Variants in MED13L observed in about 807,000 individuals in gnomAD.
MED13L encodes mediator of RNA polymerase II transcription subunit 13-like.
In MED13L, 7 loss-of-function variants were observed where a neutral mutation model predicts 220.9. The observed-to-expected ratio is 0.03, with a 90% CI of 0.02 to 0.06. The LOEUF is 0.06. Among genes scored for constraint, MED13L ranks in the 10% least tolerant of loss-of-function variants. MED13L has a pLI of 1.00. For missense variants in MED13L, 1,965 were observed against 2,760.5 expected, an observed-to-expected ratio of 0.71 and a Z score of 6.46; for synonymous variants, 1,011 against 1,015.2, an observed-to-expected ratio of 1.00 and a Z score of 0.08.
chr12:116,193,809 A>G (rs1881439933), intron 2 of MED13L, among the ~76,000 whole-genome samples: 1 of 152,182 alleles, frequency 6.6e-6, no homozygotes, highest in South Asian at 2.1e-4. Context: ...CAAGAATCAC[A>G]TCCAGTCCAA....
At chr12:116,084,660 C>A (rs970166233) in intron 4 of MED13L, among the ~76,000 whole-genome samples, 2 of 151,904 alleles carry the variant, frequency 1.3e-5, no homozygotes, top group Non-Finnish European at 1.5e-5. Flanking sequence ...TGGCATGCAC[C>A]TGTAATCCCA....
At chr12:116,208,726 G>T (rs1424106508) in intron 2 of MED13L, among the ~76,000 whole-genome samples, 1 of 152,222 alleles carries the variant, frequency 6.6e-6, no homozygotes, top group Non-Finnish European at 1.5e-5. Context: ...AACACTTTGG[G>T]GGACTGAGGC....
intron 28 of MED13L, among the ~76,000 whole-genome samples, chr12:115,967,334 A>C (rs1164324518): frequency 6.6e-6 from 1 of 152,150 alleles, no homozygotes; most frequent in Non-Finnish European, 1.5e-5. Flanking sequence ...ACTGGATATC[A>C]AAGAATGTTT....
At chr12:116,039,578 A>T (rs943899171) in intron 4 of MED13L, among the ~76,000 whole-genome samples, 2 of 152,124 alleles carry the variant, frequency 1.3e-5, no homozygotes, top group Admixed American at 6.6e-5. Context: ...ATACACTGAT[A>T]AGCCCCTAGA....
At chr12:116,247,502 T>C (rs996645941) in intron 1 of MED13L, among the ~76,000 whole-genome samples, 1 of 152,222 alleles carries the variant, frequency 6.6e-6, no homozygotes. Context: ...TCTAGCTGCA[T>C]GCTCCATCCC....
At chr12:116,236,559 T>G (rs1870099919) in intron 2 of MED13L, among the ~76,000 whole-genome samples, 1 of 151,426 alleles carries the variant, frequency 6.6e-6, no homozygotes, top group Non-Finnish European at 1.5e-5. Flanking sequence ...AAACACGATC[T>G]GAAATTTTTC....
rs1879432696 is a variant in MED13L at position 116,011,905 on chromosome 12, C to CA, written c.1280+891dup. Among the ~76,000 whole-genome samples the CA allele has an allele frequency of 5.3e-5, 8 of 152,328 alleles. 1 individual carries two copies. In the South Asian group the frequency reaches 1.7e-3, roughly 32 times the overall value. Reference sequence around the variant, plus strand: ...ACACACGCAGCAGTCTGCATATATGCAGGGGGCGTATGGACTACCTCCTCA... The same window carrying CA: ...ACACACGCAGCAGTCTGCATATATGCAAGGGGGCGTATGGACTACCTCCTCA... On this transcript the variant is annotated intron_variant, in intron 9 of 30. Transcript: ENST00000281928.
At chr12:116,200,202 C>T (rs917227261) in intron 2 of MED13L, among the ~76,000 whole-genome samples, 25 of 151,954 alleles carry the variant, frequency 1.6e-4, no homozygotes, top group African/African-American at 6.0e-4. Flanking sequence ...TAAAGTACTA[C>T]CAATCCCCTG....
intron 2 of MED13L, among the ~76,000 whole-genome samples, chr12:116,167,345 C>T (rs924228471): frequency 6.6e-6 from 1 of 152,036 alleles, no homozygotes; most frequent in Non-Finnish European, 1.5e-5. Flanking sequence ...ATACAGGGTA[C>T]AAAAGATTTG....
At chr12:116,116,460 C>A (rs1463308843) in intron 2 of MED13L, among the ~76,000 whole-genome samples, 1 of 152,126 alleles carries the variant, frequency 6.6e-6, no homozygotes, top group Non-Finnish European at 1.5e-5. Flanking sequence ...CCCCTCTCTA[C>A]ATAACCTGCC....
At chr12:116,101,537 GA>G (rs1873065646) in intron 3 of MED13L, among the ~76,000 whole-genome samples, 1 of 152,118 alleles carries the variant, frequency 6.6e-6, no homozygotes, top group South Asian at 2.1e-4. Flanking sequence ...AGTGGTGTTT[GA>G]GGGGAAAAAA....
chr12:116,236,781 G>A, intron 2 of MED13L: 1 of 907,018 alleles, frequency 1.1e-6, no homozygotes, highest in Non-Finnish European at 1.3e-6. Context: ...ATAAAACTGT[G>A]GTAAATATAT....
chr12:116,008,241 G>C (rs965197007), intron 10 of MED13L, 160 bp downstream of exon 10: 2 of 1,030,254 alleles, frequency 1.9e-6, no homozygotes, highest in Admixed American at 5.8e-5. Context: ...CCTATAAGTA[G>C]GACAAAGCAT....
chr12:116,015,200 G>C lies in MED13L; in HGVS notation c.1084C>G (p.Pro362Ala), dbSNP rs1879652113. ...QDGGMITMHS[P>A]KRSGKIPPKL... Reference sequence around the variant, plus strand: ...GGAGGAATCTTCCCCGATCTCTTTGGACTGTGCATCGTTATCATCCCTCCA... The same window carrying C: ...GGAGGAATCTTCCCCGATCTCTTTGCACTGTGCATCGTTATCATCCCTCCA... Residue 362 changes from proline to alanine, a missense_variant, in exon 8 of 31, where the codon CCA (proline) becomes GCA (alanine). Around this residue, in one of 10 missense-constraint regions of MED13L, gnomAD observed 818 missense variants for 1,041.2 expected, o/e 0.79. Coordinates refer to ENST00000281928, the MANE Select transcript of MED13L (RefSeq NM_015335.5). 7 of 1,613,798 alleles carry C rather than the reference G, an allele frequency of 4.3e-6. No individual in the cohort carries two copies. The highest frequency in any genetic ancestry group is 5.9e-6 in the Non-Finnish European group (7 of 1,179,810).
intron 14 of MED13L, among the ~76,000 whole-genome samples, chr12:116,001,144 T>C (rs1319116209): frequency 1.3e-5 from 2 of 152,158 alleles, no homozygotes; most frequent in Non-Finnish European, 2.9e-5. Flanking sequence ...GTGGCTCTCA[T>C]TTGTGGCTTC....
intron 26 of MED13L, 110 bp downstream of exon 26, chr12:115,971,968 C>T (rs1213775149): frequency 3.2e-6 from 4 of 1,242,504 alleles, no homozygotes; most frequent in African/African-American, 3.0e-5. Context: ...ATACAATCTT[C>T]CCTTATAGAA....
At chr12:116,163,778 G>A (rs117653713) in intron 2 of MED13L, among the ~76,000 whole-genome samples, 69 of 152,198 alleles carry the variant, frequency 4.5e-4, no homozygotes, top group Non-Finnish European at 7.9e-4. Flanking sequence ...CTGAAATTGC[G>A]TTTTTGAATT....
intron 1 of MED13L, among the ~76,000 whole-genome samples, chr12:116,246,301 C>CA (rs1386677478): frequency 1.3e-5 from 2 of 150,486 alleles, no homozygotes; most frequent in Non-Finnish European, 2.9e-5. Flanking sequence ...ATTCAGGAAA[C>CA]AGACCTGAGA....
intron 2 of MED13L, among the ~76,000 whole-genome samples, chr12:116,215,312 G>C (rs1882927594): frequency 6.6e-6 from 1 of 152,130 alleles, no homozygotes; most frequent in African/African-American, 2.4e-5. Flanking sequence ...TTTCTCAGAA[G>C]TCTTGGAGAA....
Sources: allele counts gnomAD v4.1 joint callset (sites outside exome capture counted in the v4.1 genomes callset), GRCh38; gene constraint gnomAD v4.1.1; regional missense constraint gnomAD v4.1.1; transcripts MANE v1.5; gene names NCBI Gene and HGNC (gene_info 2026-07-23, HGNC 2026-07-21).